BIRC6: variants seen among roughly 807,000 people sequenced by gnomAD.
The protein encoded by BIRC6 is dual E2 ubiquitin-conjugating enzyme/E3 ubiquitin-protein ligase BIRC6.
BIRC6 carries 98 observed loss-of-function variants against 503.3 expected under a neutral mutation model. That is an observed-to-expected ratio of 0.19 (90% CI 0.17 to 0.23). The LOEUF is 0.23. Among genes scored for constraint, BIRC6 ranks in the 10% least tolerant of loss-of-function variants. BIRC6 has a pLI of 1.00. For synonymous variants in BIRC6, 2,240 were observed against 2,078.7 expected (o/e 1.08, Z -2.11); for missense variants, 5,360 against 5,806.0 (o/e 0.92, Z 2.50).
At chr2:32,576,498 G>A (rs1385364430) in intron 66 of BIRC6, among the ~76,000 whole-genome samples, 1 of 152,126 alleles carries the variant, frequency 6.6e-6, no homozygotes, top group East Asian at 1.9e-4. Flanking sequence ...CATTTATACT[G>A]TTAATGGAAG....
At chr2:32,606,328 C>G (rs2151625810) in intron 71 of BIRC6, among the ~76,000 whole-genome samples, 1 of 152,248 alleles carries the variant, frequency 6.6e-6, no homozygotes, top group South Asian at 2.1e-4. Flanking sequence ...TGGCTCAGAC[C>G]TGTAATCTCA....
chr2:32,499,497 G>A (rs758309559), intron 45 of BIRC6, 50 bp from the exon 46 acceptor site: 5 of 1,388,820 alleles, frequency 3.6e-6, no homozygotes, highest in Non-Finnish European at 4.8e-6. Flanking sequence ...TTCTCTTGTT[G>A]TATCTCTCTC....
chr2:32,463,662 G>T (rs2048231577), intron 24 of BIRC6, among the ~76,000 whole-genome samples: 1 of 152,148 alleles, frequency 6.6e-6, no homozygotes, highest in Admixed American at 6.5e-5. Context: ...AATATGTACA[G>T]TTACTAGTTA....
At chr2:32,536,742 T>A (rs576234358) in intron 61 of BIRC6, among the ~76,000 whole-genome samples, 2 of 152,340 alleles carry the variant, frequency 1.3e-5, no homozygotes, top group South Asian at 4.1e-4. Context: ...GGTAGCGTGA[T>A]GTCTCCAGCT....
intron 20 of BIRC6, among the ~76,000 whole-genome samples, chr2:32,444,031 G>GTTTTTTTTTTTT (rs776568064): frequency 5.1e-5 from 7 of 136,884 alleles, no homozygotes; most frequent in Admixed American, 7.4e-5. Flanking sequence ...GGGACCAGTG[G>GTTTTTTTTTTTT]TTTTTTTTTT....
chr2:32,607,751 G>T, intron 72 of BIRC6, 108 bp downstream of exon 72: 1 of 887,240 alleles, frequency 1.1e-6, no homozygotes, highest in African/African-American at 1.7e-5. Context: ...GTCAAGGCAG[G>T]TGGATCACTT....
intron 37 of BIRC6, 47 bp downstream of exon 37, chr2:32,479,664 A>T: frequency 7.1e-7 from 1 of 1,401,088 alleles, no homozygotes; most frequent in South Asian, 1.4e-5. Flanking sequence ...AAATGGAAAC[A>T]TGTTTCAAAA....
chr2:32,496,894 C>T (rs570759312), intron 45 of BIRC6, among the ~76,000 whole-genome samples: 94 of 152,242 alleles, frequency 6.2e-4, no homozygotes, highest in Middle Eastern at 6.8e-3. Context: ...TGTACTCGTT[C>T]GGACTTCAAG....
At chr2:32,487,603 C>A (rs146596881) in intron 40 of BIRC6, 44 bp from the exon 41 acceptor site, 15 of 1,560,988 alleles carry the variant, frequency 9.6e-6, no homozygotes, top group Non-Finnish European at 1.3e-5. Flanking sequence ...TAACACATAT[C>A]CTGATACTTT....
chr2:32,448,954 A>G (rs1278857646), intron 22 of BIRC6, 26 bp downstream of exon 22: 28 of 1,596,002 alleles, frequency 1.8e-5, no homozygotes, highest in Non-Finnish European at 2.4e-5. Flanking sequence ...ATTAAAGGAA[A>G]TTCTGAATGT....
intron 55 of BIRC6, 114 bp downstream of exon 55, chr2:32,515,884 A>G: frequency 1.0e-6 from 1 of 970,726 alleles, no homozygotes; most frequent in South Asian, 1.8e-5. Context: ...AAGGATCTGA[A>G]TTTAAGCTAT....
At chr2:32,489,036 T>C (rs903716286) in intron 42 of BIRC6, among the ~76,000 whole-genome samples, 2 of 152,016 alleles carry the variant, frequency 1.3e-5, no homozygotes, top group Non-Finnish European at 2.9e-5. Context: ...TATTATTTTT[T>C]TTTTTCATTT....
At chr2:32,380,718 ACT>A (rs2037509289) in intron 3 of BIRC6, among the ~76,000 whole-genome samples, 1 of 151,906 alleles carries the variant, frequency 6.6e-6, no homozygotes, top group South Asian at 2.1e-4. Context: ...AAAGAGTGAG[ACT>A]CTGTTGCCCA....
chr2:32,598,054 A>G, intron 69 of BIRC6, 86 bp downstream of exon 69: 1 of 1,216,722 alleles, frequency 8.2e-7, no homozygotes. Context: ...TGGAAATACT[A>G]TACAAATAAA....
intron 1 of BIRC6, among the ~76,000 whole-genome samples, chr2:32,359,058 T>C (rs2033642468): frequency 6.6e-6 from 1 of 152,198 alleles, no homozygotes; most frequent in Non-Finnish European, 1.5e-5. Context: ...AAATAAAACT[T>C]TACAAATAGG....
Position 32,568,064 on chromosome 2 carries a change from A to T in BIRC6, c.13145-7092A>T, listed in dbSNP as rs991265043. ...GAGGTGGAGCTTGCAGTGAGTCAAG[A>T]TTGTGCCACTGCACTCCAGACTGGG... On this transcript the variant is annotated intron_variant, in intron 65 of 73. Coordinates refer to ENST00000421745, the MANE Select transcript of BIRC6 (RefSeq NM_016252.4). 2.0e-5 allele frequency among the ~76,000 whole-genome samples: 3 copies of T among 152,194 alleles called. No homozygotes were observed. In the South Asian group the frequency reaches 6.2e-4, roughly 31 times the overall value.
Position 32,549,313 on chromosome 2 carries a change from G to A in BIRC6, c.12976G>A (p.Val4326Ile). 1 of 1,442,272 alleles carries A rather than the reference G, an allele frequency of 6.9e-7. No homozygotes were observed. The highest frequency in any genetic ancestry group is 9.3e-7 in the Non-Finnish European group (1 of 1,079,624). 89.3% of individuals were successfully genotyped at this position (1,442,272 alleles called of 1,614,324 possible). A position where few individuals can be genotyped will look rare whatever the true frequency, so the allele number is the denominator to read the frequency against. Residue 4326 changes from valine to isoleucine, a missense_variant and splice_region_variant, in exon 65 of 74, where the codon GTT becomes ATT. Transcript: ENST00000421745. The part of the protein sequence containing the change: ...EEEHVTCLLQ[V>I]LASYINPVSS... ...CCAAATTAATTTCAACAATTTTTAGGTTCTTGCCAGTTACATAAATCCCGT... is the reference window on the plus strand; with the variant it reads ...CCAAATTAATTTCAACAATTTTTAGATTCTTGCCAGTTACATAAATCCCGT...
At chr2:32,465,329 C>T (rs1160902544) in intron 26 of BIRC6, among the ~76,000 whole-genome samples, 165 bp downstream of exon 26, 2 of 139,940 alleles carry the variant, frequency 1.4e-5, no homozygotes, top group Non-Finnish European at 3.0e-5. Flanking sequence ...CTTACATGTT[C>T]AAGCTTTGTG....
At chr2:32,597,143 T>C (rs1462601904) in intron 68 of BIRC6, among the ~76,000 whole-genome samples, 1 of 152,260 alleles carries the variant, frequency 6.6e-6, no homozygotes, top group Admixed American at 6.5e-5. Context: ...AGTATCATTC[T>C]TTTACAACTT....
Sources: allele counts gnomAD v4.1 joint callset (sites outside exome capture counted in the v4.1 genomes callset), GRCh38; gene constraint gnomAD v4.1.1; transcripts MANE v1.5; gene names NCBI Gene and HGNC (gene_info 2026-07-23, HGNC 2026-07-21).